The following AGMO variants were observed in gnomAD, a reference collection of about 807,000 sequenced individuals.
AGMO encodes alkylglycerol monooxygenase, also known as glyceryl-ether monooxygenase.
A neutral mutation model predicts 60.2 loss-of-function variants in AGMO; 75 were observed. The observed-to-expected ratio is 1.25, with a 90% confidence interval of 1.03 to 1.51. The LOEUF is 1.51. AGMO is among the 40% of genes most tolerant of loss of function. The pLI, the probability that AGMO is intolerant of heterozygous loss-of-function variation, is 0.00. For synonymous variants in AGMO, 261 were observed against 177.1 expected (o/e 1.47, Z -3.76); for missense variants, 763 against 525.5 (o/e 1.45, Z -4.42).
intron 12 of AGMO, among the ~76,000 whole-genome samples, chr7:15,261,493 G>C (rs1483478954): frequency 6.6e-6 from 1 of 151,876 alleles, no homozygotes; most frequent in Non-Finnish European, 1.5e-5. Flanking sequence ...CAAGCAGTGA[G>C]ATGGAAATGA....
chr7:15,553,538 C>G (rs1186698350), intron 2 of AGMO, among the ~76,000 whole-genome samples: 1 of 151,780 alleles, frequency 6.6e-6, no homozygotes, highest in African/African-American at 2.4e-5. Context: ...CAAGAACACA[C>G]TATTAAACAG....
At chr7:15,466,272 T>C (rs538592626) in intron 3 of AGMO, among the ~76,000 whole-genome samples, 49 of 152,296 alleles carry the variant, frequency 3.2e-4, no homozygotes, top group Admixed American at 8.5e-4. Context: ...AAGTAAATTG[T>C]TCAAAACACA....
At chr7:15,436,240 T>C (rs979963816) in intron 3 of AGMO, among the ~76,000 whole-genome samples, 1 of 152,202 alleles carries the variant, frequency 6.6e-6, no homozygotes, top group East Asian at 1.9e-4. Flanking sequence ...ACAGAATACC[T>C]GAGGCTGTGG....
At chr7:15,474,451 A>T (rs1782535526) in intron 3 of AGMO, among the ~76,000 whole-genome samples, 1 of 152,190 alleles carries the variant, frequency 6.6e-6, no homozygotes, top group Admixed American at 6.5e-5. Flanking sequence ...TGGGGAAAAG[A>T]TTCCCTATTT....
chr7:15,228,308 A>G (rs1008833066), intron 12 of AGMO, among the ~76,000 whole-genome samples: 8 of 152,158 alleles, frequency 5.3e-5, no homozygotes, highest in African/African-American at 1.7e-4. Flanking sequence ...CCAAACGATA[A>G]AAATACTCCA....
chr7:15,396,081 G>A (rs1181441901), intron 5 of AGMO: 3 of 152,204 alleles, frequency 2.0e-5, no homozygotes, highest in Non-Finnish European at 4.4e-5. Context: ...CTGTTGCCCA[G>A]CTGCTAAGGG....
At chr7:15,405,868 G>C (rs1223730661) in intron 5 of AGMO, among the ~76,000 whole-genome samples, 1 of 151,486 alleles carries the variant, frequency 6.6e-6, no homozygotes, top group African/African-American at 2.4e-5. Flanking sequence ...AGCTAAAATA[G>C]GACAGATTTC....
At chr7:15,182,545 A>G in the AGMO span, among the ~76,000 whole-genome samples, 1 of 152,062 alleles carries the variant, frequency 6.6e-6, no homozygotes, top group African/African-American at 2.4e-5. Context: ...CCTCCCGAGT[A>G]GCCGGGACTG....
intron 5 of AGMO, among the ~76,000 whole-genome samples, chr7:15,406,551 G>C (rs1405289020): frequency 1.1e-4 from 9 of 81,496 alleles, no homozygotes; most frequent in African/African-American, 4.0e-4. Context: ...AGGCCCCTTT[G>C]TTTGGAATAC....
chr7:15,132,969 G>C, the AGMO span, among the ~76,000 whole-genome samples: 1 of 152,050 alleles, frequency 6.6e-6, no homozygotes, highest in Non-Finnish European at 1.5e-5. Context: ...AGGGGAGCAC[G>C]GTTATAATGG....
intron 3 of AGMO, among the ~76,000 whole-genome samples, chr7:15,495,985 A>G (rs1257452037): frequency 1.3e-5 from 2 of 152,152 alleles, no homozygotes; most frequent in East Asian, 3.9e-4. Flanking sequence ...TCACACTCCA[A>G]GTACCATTAC....
At chr7:15,357,471 G>A (rs913396059) in intron 12 of AGMO, among the ~76,000 whole-genome samples, 6 of 152,198 alleles carry the variant, frequency 3.9e-5, no homozygotes, top group African/African-American at 1.4e-4. Flanking sequence ...ATTTATGTGT[G>A]CCCTTTTGCA....
intron 12 of AGMO, among the ~76,000 whole-genome samples, chr7:15,262,898 A>AT (rs1372850474): frequency 3.3e-5 from 5 of 152,094 alleles, no homozygotes; most frequent in Non-Finnish European, 5.9e-5. Context: ...ATGAAACTGG[A>AT]TCCACATCTC....
At chr7:15,423,004 A>T (rs1488015162) in intron 4 of AGMO, among the ~76,000 whole-genome samples, 2 of 152,218 alleles carry the variant, frequency 1.3e-5, no homozygotes, top group Non-Finnish European at 2.9e-5. Flanking sequence ...GTACTCCACG[A>T]GTAAGCTGCT....
At chr7:15,272,437 T>C (rs1044110165) in intron 12 of AGMO, among the ~76,000 whole-genome samples, 2 of 151,972 alleles carry the variant, frequency 1.3e-5, no homozygotes, top group Non-Finnish European at 2.9e-5. Flanking sequence ...GCTTCATCCA[T>C]GTCCCTACAA....
intron 12 of AGMO, among the ~76,000 whole-genome samples, chr7:15,329,616 T>C (rs1781442245): frequency 6.6e-6 from 1 of 152,206 alleles, no homozygotes; most frequent in Admixed American, 6.5e-5. Context: ...ATAGTTAACA[T>C]TTACTGATAC....
intron 9 of AGMO, among the ~76,000 whole-genome samples, chr7:15,386,603 T>C (rs916814530): frequency 4.6e-5 from 7 of 152,230 alleles, no homozygotes; most frequent in African/African-American, 1.7e-4. Flanking sequence ...AATGTCATTA[T>C]TTAGATCAGG....
intron 10 of AGMO, among the ~76,000 whole-genome samples, chr7:15,384,841 T>G (rs1783849793): frequency 7.3e-6 from 1 of 136,678 alleles, no homozygotes; most frequent in African/African-American, 2.8e-5. Flanking sequence ...TTTTGCAATT[T>G]ACAACATATT....
At chr7:15,153,228 G>T in the AGMO span, among the ~76,000 whole-genome samples, 1 of 151,406 alleles carries the variant, frequency 6.6e-6, no homozygotes, top group Non-Finnish European at 1.5e-5. Context: ...ACTCTTTGTA[G>T]ATTGTGCATA....
Sources: gnomAD v4.1 joint callset for allele counts (sites outside exome capture counted in the v4.1 genomes callset) on GRCh38, gnomAD v4.1.1 for gene constraint, MANE v1.5 for transcripts, NCBI Gene and HGNC (gene_info 2026-07-23, HGNC 2026-07-21) for gene names.